Variants in CCSER1 observed in about 807,000 individuals in gnomAD.
The protein encoded by CCSER1 is coiled-coil serine rich protein 1, also known as serine-rich coiled-coil domain-containing protein 1.
In CCSER1, 41 loss-of-function variants were observed where a neutral mutation model predicts 82.0. The observed-to-expected ratio is 0.50, with a 90% CI of 0.39 to 0.65. The LOEUF (loss-of-function observed/expected upper bound fraction) is 0.65, where lower values mean the gene tolerates loss of function less well. Ranked by LOEUF, CCSER1 falls within the 30% of genes least tolerant of loss-of-function variation. The pLI is 0.00. For synonymous variants in CCSER1, 414 were observed against 383.9 expected (o/e 1.08, Z -0.92); for missense variants, 1,119 against 1,064.2 (o/e 1.05, Z -0.72).
At chr4:90,534,031 G>T (rs1015873029) in intron 5 of CCSER1, among the ~76,000 whole-genome samples, 3 of 152,224 alleles carry the variant, frequency 2.0e-5, no homozygotes, top group Admixed American at 1.3e-4. Context: ...TCTTCGAGTT[G>T]ATTGTACAAT....
chr4:90,274,135 G>A (rs1484365372), intron 1 of CCSER1, among the ~76,000 whole-genome samples: 1 of 152,050 alleles, frequency 6.6e-6, no homozygotes, highest in African/African-American at 2.4e-5. Context: ...ATCATTTCAT[G>A]TCCAAACTCC....
intron 10 of CCSER1, among the ~76,000 whole-genome samples, chr4:91,415,169 C>T (rs1031433055): frequency 2.6e-5 from 4 of 152,072 alleles, no homozygotes; most frequent in Non-Finnish European, 4.4e-5. Context: ...TCCAAGATAG[C>T]AATTGTGAAT....
intron 9 of CCSER1, among the ~76,000 whole-genome samples, chr4:91,058,064 A>G (rs1239280160): frequency 1.3e-5 from 2 of 152,144 alleles, no homozygotes; most frequent in Non-Finnish European, 2.9e-5. Flanking sequence ...CAGGCTTGTT[A>G]CATAGGTAAA....
At chr4:91,077,836 C>T (rs1435239587) in intron 9 of CCSER1, among the ~76,000 whole-genome samples, 1 of 152,236 alleles carries the variant, frequency 6.6e-6, no homozygotes, top group African/African-American at 2.4e-5. Flanking sequence ...GCCATGGAGC[C>T]TCACTAATTG....
intron 10 of CCSER1, among the ~76,000 whole-genome samples, chr4:91,144,332 G>A (rs755912037): frequency 6.7e-6 from 1 of 149,506 alleles, no homozygotes; most frequent in African/African-American, 2.5e-5. Flanking sequence ...TTTCTGATTT[G>A]CATATTTGGA....
At chr4:90,357,358 A>ATT (rs145290193) in intron 3 of CCSER1, among the ~76,000 whole-genome samples, 4 of 151,766 alleles carry the variant, frequency 2.6e-5, no homozygotes, top group African/African-American at 7.2e-5. Context: ...TTTTTGCGTG[A>ATT]TTTTTTTATA....
chr4:90,827,942 A>T (rs937486339), intron 8 of CCSER1, among the ~76,000 whole-genome samples: 2 of 152,118 alleles, frequency 1.3e-5, no homozygotes, highest in African/African-American at 4.8e-5. Context: ...GATGTAGGCA[A>T]TTTATAGGAG....
intron 8 of CCSER1, among the ~76,000 whole-genome samples, chr4:90,907,746 C>G (rs543045017): frequency 7.3e-5 from 11 of 151,406 alleles, no homozygotes; most frequent in Non-Finnish European, 1.2e-4. Context: ...TTTTTTCTTA[C>G]TTTCTTTTGT....
Position 91,599,104 on chromosome 4 carries a change from G to T in CCSER1, c.*47G>T. Reference sequence around the variant, plus strand: ...TTTGGGTAGGATAAAGATGGTTAGTGTTTCTCGTGCATAGTTCATATTAAA... The same window carrying T: ...TTTGGGTAGGATAAAGATGGTTAGTTTTTCTCGTGCATAGTTCATATTAAA... On this transcript the variant is annotated 3_prime_UTR_variant, in exon 11 of 11. Transcript: ENST00000509176. The T allele has an allele frequency of 6.8e-7, 1 of 1,468,970 alleles. No homozygotes were observed. The highest frequency in any genetic ancestry group is 9.1e-7 in the Non-Finnish European group (1 of 1,103,652). The allele number at this position is 1,468,970 out of a possible 1,614,324, so 91.0% of individuals were successfully genotyped here. A position where few individuals can be genotyped will look rare whatever the true frequency, so the allele number is the denominator to read the frequency against.
rs549296532 is a variant in CCSER1 at position 90,762,449 on chromosome 4, T to C, written c.2010+38458T>C. Among the ~76,000 whole-genome samples the C allele has an allele frequency of 3.3e-5, 5 of 152,310 alleles. No individual in the cohort carries two copies. The East Asian group carries it at 9.7e-4, about 29-fold the overall frequency. ...CTAATACAGAGACAAACTTAAGTTA[T>C]ATGTGTTACTTGTTGGTTCTCCTTA... On this transcript the variant is annotated intron_variant, in intron 7 of 10. Coordinates refer to ENST00000509176, the MANE Select transcript of CCSER1 (RefSeq NM_001145065.2).
At chr4:91,344,217 C>G (rs1339417103) in intron 10 of CCSER1, among the ~76,000 whole-genome samples, 3 of 152,160 alleles carry the variant, frequency 2.0e-5, no homozygotes, top group African/African-American at 4.8e-5. Flanking sequence ...TGTGAGAACA[C>G]ATAGAATGCA....
At chr4:91,166,572 A>T (rs1732099813) in intron 10 of CCSER1, among the ~76,000 whole-genome samples, 1 of 152,250 alleles carries the variant, frequency 6.6e-6, no homozygotes, top group African/African-American at 2.4e-5. Flanking sequence ...TATACCAAGC[A>T]AACTTAATTG....
At position 90,479,828 on chromosome 4, in the gene CCSER1, A is replaced by G. The variant is rs180854656; in HGVS notation, c.1724+11474A>G. ...TCTTTGCTATTGTGAATAGTGCCGC[A>G]ATAAACATACGTGTGCATGTGTCTT... On this transcript the variant is annotated intron_variant, in intron 5 of 10. Coordinates refer to ENST00000509176, the MANE Select transcript of CCSER1 (RefSeq NM_001145065.2). Among the ~76,000 whole-genome samples, 774 of 152,330 alleles carry G rather than the reference A, an allele frequency of 5.1e-3. 17 individuals carry two copies. Among genetic ancestry groups the G allele is most frequent in the Admixed American group, 0.043 (658 of 15,302 alleles).
At chr4:91,188,901 C>G (rs1178230329) in intron 10 of CCSER1, among the ~76,000 whole-genome samples, 1 of 151,828 alleles carries the variant, frequency 6.6e-6, no homozygotes, top group East Asian at 1.9e-4. Flanking sequence ...TATATGTCCT[C>G]CAGAAAGAAA....
intron 10 of CCSER1, among the ~76,000 whole-genome samples, chr4:91,368,235 G>A (rs1175243351): frequency 6.6e-6 from 1 of 152,028 alleles, no homozygotes; most frequent in East Asian, 1.9e-4. Context: ...ACTGAAGTCT[G>A]TTCTTGTTCA....
intron 10 of CCSER1, among the ~76,000 whole-genome samples, chr4:91,562,711 G>T (rs1239832047): frequency 1.3e-5 from 2 of 151,456 alleles, no homozygotes; most frequent in Non-Finnish European, 3.0e-5. Flanking sequence ...GTTTTAGATT[G>T]TACTTATAGT....
intron 9 of CCSER1, among the ~76,000 whole-genome samples, chr4:90,963,363 T>C (rs1463419076): frequency 6.6e-6 from 1 of 152,110 alleles, no homozygotes; most frequent in Admixed American, 6.6e-5. Context: ...ATGATAGAGA[T>C]GCAAATATGG....
At chr4:90,514,711 G>A (rs1391146266) in intron 5 of CCSER1, among the ~76,000 whole-genome samples, 6 of 151,958 alleles carry the variant, frequency 3.9e-5, no homozygotes, top group East Asian at 1.9e-4. Flanking sequence ...AGCTGGGATC[G>A]TGCCACTGTA....
intron 1 of CCSER1, among the ~76,000 whole-genome samples, chr4:90,276,256 TTCCTTCC>T (rs1727699478): frequency 0.01 from 861 of 83,412 alleles, no homozygotes; most frequent in Middle Eastern, 0.017. Context: ...CTTTCTTTCC[TTCCTTCC>T]TTCCTTCCTT....
Sources: gnomAD v4.1 joint callset for allele counts (sites outside exome capture counted in the v4.1 genomes callset) on GRCh38, gnomAD v4.1.1 for gene constraint, MANE v1.5 for transcripts, NCBI Gene and HGNC (gene_info 2026-07-23, HGNC 2026-07-21) for gene names.